Variants in MUC5B observed in about 807,000 individuals in gnomAD.
The protein encoded by MUC5B is mucin-5B.
Under a neutral mutation model 376.9 loss-of-function variants are expected in MUC5B, and 116 were observed. That is an observed-to-expected ratio of 0.31 (90% CI 0.26 to 0.36). MUC5B has a LOEUF of 0.36. Among genes scored for constraint, MUC5B ranks in the 10% least tolerant of loss-of-function variants. The pLI is 1.00. For missense variants in MUC5B, 7,165 were observed against 7,769.9 expected (o/e 0.92, Z 2.93); for synonymous variants, 3,517 against 3,390.9 (o/e 1.04, Z -1.29).
rs548466654 is a variant in MUC5B, at chr11:1,233,969, C to T, written c.2377+121C>T. ...AACCCTGCCGGGCCAGGTCAGTCCT[C>T]ACCTGGGCTCTGCCACAGGCACCCA... is the stretch of plus-strand genomic sequence containing the variant. On this transcript the variant is annotated intron_variant, in intron 19 of 48. Transcript: ENST00000529681. 96 of 1,048,102 alleles carry T rather than the reference C, an allele frequency of 9.2e-5. No homozygotes were observed. The South Asian group carries it at 1.4e-3, about 15-fold the overall frequency. The allele number at this position is 1,048,102 out of a possible 1,614,324, so 64.9% of individuals were successfully genotyped here.
rs568517586 is a variant in MUC5B, at chr11:1,243,330, C to T, written c.6450C>T (p.Ser2150=). ...ITATGSTTNP[S]STPGTTPIPP... ...CCACCGGCTCCACCACCAACCCCTC[C>T]TCAACTCCTGGGACAACTCCCATCC... The change falls in exon 31 of 49, where the codon TCC becomes TCT. Residue 2150 remains serine (S), a synonymous_variant. Transcript: ENST00000529681. 1.3e-6 allele frequency: 2 copies of T among 1,557,796 alleles called. No individual in the cohort carries two copies. Among genetic ancestry groups the T allele is most frequent in the Non-Finnish European group, 1.7e-6 (2 of 1,150,796 alleles).
rs762413302 is a variant in MUC5B, at chr11:1,240,886, G to A, written c.4006G>A (p.Glu1336Lys). Residue 1336 changes from glutamate to lysine, a missense_variant, in exon 31 of 49, where the codon GAG becomes AAG. Coordinates refer to ENST00000529681, the MANE Select transcript of MUC5B (RefSeq NM_002458.3). ...ALPVSTVCVR[E>K]VCRWSSWYNG... is the part of the protein sequence containing the mutation. ...CCCGGTCTCCACCGTGTGTGTCCGCGAGGTCTGCCGCTGGTCCAGCTGGTA... is the reference window on the plus strand; with the variant it reads ...CCCGGTCTCCACCGTGTGTGTCCGCAAGGTCTGCCGCTGGTCCAGCTGGTA... 30 of 1,612,006 alleles carry A rather than the reference G, an allele frequency of 1.9e-5. No homozygotes were observed. Among genetic ancestry groups the A allele is most frequent in the Non-Finnish European group, 2.2e-5 (26 of 1,179,704 alleles).
At chr11:1,233,771 C>A in intron 18 of MUC5B, 22 bp from the exon 19 acceptor site, 2 of 1,595,550 alleles carry the variant, frequency 1.3e-6, no homozygotes, top group Non-Finnish European at 1.7e-6. Context: ...CAGATCCAGG[C>A]TGTGCCGTCT....
chr11:1,231,406 C>T lies in MUC5B; in HGVS notation c.1541-17C>T. 1 of 1,602,446 alleles carries T rather than the reference C, an allele frequency of 6.2e-7. No individual in the cohort carries two copies. Among genetic ancestry groups the T allele is most frequent in the Admixed American group, 1.7e-5 (1 of 59,522 alleles). On this transcript the variant is annotated splice_polypyrimidine_tract_variant and intron_variant, in intron 13 of 48. Coordinates refer to ENST00000529681, the MANE Select transcript of MUC5B (RefSeq NM_002458.3). ...TCCCTGCACCCCTGACCGGCCTCTC[C>T]CCCACACTCCCGGCAGCCAACATCA...
chr11:1,240,231 A>T lies in MUC5B; in HGVS notation c.3826A>T (p.Asn1276Tyr). The T allele has an allele frequency of 1.2e-6, 2 of 1,613,386 alleles. No homozygotes were observed. Among genetic ancestry groups the T allele is most frequent in the Non-Finnish European group, 1.7e-6 (2 of 1,179,520 alleles). Residue 1276 changes from asparagine to tyrosine, a missense_variant, in exon 30 of 49, where the codon AAC becomes TAC. By Grantham distance (143) the Asn-to-Tyr change is moderately radical. Coordinates refer to ENST00000529681, the MANE Select transcript of MUC5B (RefSeq NM_002458.3). Reference sequence around the variant, plus strand: ...CTACAGCTACCAGGACGTCATCTACAACACCACCGATGGGCTTGGCGCCTG... The same window carrying T: ...CTACAGCTACCAGGACGTCATCTACTACACCACCGATGGGCTTGGCGCCTG... Reference protein sequence around the residue: ...RTYSYQDVIYNTTDGLGACLI... With the variant: ...RTYSYQDVIYYTTDGLGACLI...
In MUC5B at chr11:1,231,988, GC is replaced by G; in HGVS notation, c.1679-3del. On this transcript the variant is annotated splice_polypyrimidine_tract_variant and splice_region_variant and intron_variant, in intron 14 of 48. Transcript: ENST00000529681. ...TGGCCGCTGACATCCCCCAACCCTG[GC>G]CCCCAGGCCTGTGTGGGAACTTCAA... The G allele has an allele frequency of 6.2e-7, 1 of 1,612,522 alleles. No homozygotes were observed. The highest frequency in any genetic ancestry group is 8.5e-7 in the Non-Finnish European group (1 of 1,179,738).
At chr11:1,252,656 A>G (rs1862736476) in intron 32 of MUC5B, 132 bp downstream of exon 32, 23 of 1,367,934 alleles carry the variant, frequency 1.7e-5, no homozygotes, top group Admixed American at 2.6e-5. Context: ...TGGAGGAGGC[A>G]CACAGGGCCT....
rs56045301 is a variant in MUC5B, at chr11:1,234,105, T to C, written c.2378-100T>C. The C allele has an allele frequency of 0.033, 33,630 of 1,018,158 alleles. 742 individuals are homozygous for C. Among genetic ancestry groups the C allele is most frequent in the African/African-American group, 0.07 (4,417 of 62,726 alleles). 63.1% of individuals were successfully genotyped at this position (1,018,158 alleles called of 1,614,324 possible). On this transcript the variant is annotated intron_variant, in intron 19 of 48. Transcript: ENST00000529681. The surrounding 1 kb of genome is among the most constrained non-coding windows in gnomAD (Gnocchi z 6.3). ...GTCATGGAAGCTTTGGCTCGGGGGC[T>C]GTTAACTTGATCAGCAGGACAGGCT...
At position 1,227,260 on chromosome 11, in the gene MUC5B, G is replaced by A. The variant is rs781476831; in HGVS notation, c.577-48G>A. The A allele has an allele frequency of 2.5e-6, 4 of 1,578,392 alleles. No individual in the cohort carries two copies. In the African/African-American group the frequency reaches 4.0e-5, roughly 16 times the overall value. On this transcript the variant is annotated intron_variant, in intron 5 of 48. Coordinates refer to ENST00000529681, the MANE Select transcript of MUC5B (RefSeq NM_002458.3). ...ACGGGGCTTGGGGCATGTTGCCAGT[G>A]TGGGGATCAGAGGTCCTGAGGCTGG...
chr11:1,223,150 G>A lies in MUC5B; in HGVS notation c.27G>A (p.Thr9=), dbSNP rs942095019. MGAPSACR[T]LVLALAAMLV... ...TGGGTGCCCCGAGCGCGTGCCGGAC[G>A]CTGGTGTTGGCTCTGGCGGCCATGC... Residue 9 remains threonine, a synonymous_variant, in exon 1 of 49, where the codon ACG becomes ACA. Transcript: ENST00000529681. 6 of 708,120 alleles carry A rather than the reference G, an allele frequency of 8.5e-6. No homozygotes were observed. Among genetic ancestry groups the A allele is most frequent in the Admixed American group, 4.0e-5 (2 of 49,932 alleles). The allele number at this position is 708,120 out of a possible 1,614,324, so 43.9% of individuals were successfully genotyped here.
intron 4 of MUC5B, 33 bp from the exon 5 acceptor site, chr11:1,226,998 G>T: frequency 6.3e-7 from 1 of 1,589,292 alleles, no homozygotes; most frequent in East Asian, 2.3e-5. Context: ...CCAGGAGAGC[G>T]GGGCCCAGGG....
intron 18 of MUC5B, 35 bp from the exon 19 acceptor site, chr11:1,233,758 C>A (rs1862089675): frequency 6.3e-7 from 1 of 1,581,646 alleles, no homozygotes. Flanking sequence ...GGGGTGAGGG[C>A]CGCAGATCCA....
Position 1,249,801 on chromosome 11 carries a change from C to A in MUC5B, c.12921C>A (p.Thr4307=). 1 of 1,613,540 alleles carries A rather than the reference C, an allele frequency of 6.2e-7. No homozygotes were observed. The highest frequency in any genetic ancestry group is 8.5e-7 in the Non-Finnish European group (1 of 1,179,716). Residue 4307 remains threonine (T), a synonymous_variant, in exon 31 of 49, where the codon ACC becomes ACA. Coordinates refer to ENST00000529681, the MANE Select transcript of MUC5B (RefSeq NM_002458.3). ...TSSSSPRTAT[T]LPVLTSTATK... ...CCTCCAGTCCAAGGACTGCAACCAC[C>A]CTTCCAGTGCTGACAAGCACAGCCA...
At chr11:1,230,462 C>CA in intron 11 of MUC5B, 28 bp from the exon 12 acceptor site, 1 of 1,557,292 alleles carries the variant, frequency 6.4e-7, no homozygotes, top group Non-Finnish European at 8.7e-7. Flanking sequence ...GAGCCAGGCC[C>CA]AATGCACGCG....
intron 24 of MUC5B, 72 bp from the exon 25 acceptor site, chr11:1,236,853 G>A: frequency 7.2e-7 from 1 of 1,395,568 alleles, no homozygotes; most frequent in South Asian, 1.7e-5. Context: ...AGCCCAGGGT[G>A]GGCTCTGTGC....
Position 1,241,454 on chromosome 11 carries a change from G to A in MUC5B, c.4574G>A (p.Gly1525Glu), listed in dbSNP as rs780787249. ...EDYPKSEQLGGDVESYDKIRA... is the reference protein window; with the variant it reads ...EDYPKSEQLGEDVESYDKIRA... ...TACCCCAAGTCTGAACAACTTGGAG[G>A]GGACGTTGAGTCCTACGATAAGATC... The change falls in exon 31 of 49, where the codon GGG becomes GAG. Residue 1525 changes from glycine (G) to glutamate (E), a missense_variant. Around this residue, in one of 31 missense-constraint regions of MUC5B, gnomAD observed 517 missense variants for 545.3 expected, o/e 0.95. Transcript: ENST00000529681. 2 of 1,613,636 alleles carry A rather than the reference G, an allele frequency of 1.2e-6. No individual in the cohort carries two copies. Among genetic ancestry groups the A allele is most frequent in the Non-Finnish European group, 1.7e-6 (2 of 1,179,674 alleles).
Position 1,227,076 on chromosome 11 carries a change from C to A in MUC5B, c.507C>A (p.Ser169Arg). The change falls in exon 5 of 49, where the codon AGC becomes AGA. Residue 169 changes from serine (S) to arginine (R), a missense_variant. This residue lies in a region of MUC5B where 640 missense variants were observed against 733.0 expected (regional missense o/e 0.87). Transcript: ENST00000529681. ...GCACTGGCCTCCTGGTGGAGCAGAG[C>A]GGGGACTACATCAAGGTCAGCATCC... ...YSRTGLLVEQSGDYIKVSIRL... is the reference protein window; with the variant it reads ...YSRTGLLVEQRGDYIKVSIRL... 1 of 1,612,482 alleles carries A rather than the reference C, an allele frequency of 6.2e-7. No individual in the cohort carries two copies. The highest frequency in any genetic ancestry group is 8.5e-7 in the Non-Finnish European group (1 of 1,179,734).
At chr11:1,229,832 G>C in intron 10 of MUC5B, 25 bp downstream of exon 10, 1 of 1,568,878 alleles carries the variant, frequency 6.4e-7, no homozygotes, top group Non-Finnish European at 8.6e-7. Flanking sequence ...ACCAGCCTCC[G>C]CCTGGGGTGG....
Position 1,240,249 on chromosome 11 carries a change from G to A in MUC5B, c.3844G>A (p.Gly1282Ser). Reference protein sequence around the residue: ...DVIYNTTDGLGACLIAICGSN... With the variant: ...DVIYNTTDGLSACLIAICGSN... Reference sequence around the variant, plus strand: ...CATCTACAACACCACCGATGGGCTTGGCGCCTGCTTGATCGCCATCTGCGG... The same window carrying A: ...CATCTACAACACCACCGATGGGCTTAGCGCCTGCTTGATCGCCATCTGCGG... The change falls in exon 30 of 49, where the codon GGC becomes AGC. Residue 1282 changes from glycine (G) to serine (S), a missense_variant. Physicochemically the swap from Gly to Ser is moderately conservative, Grantham distance 56 (BLOSUM62 0). Around this residue, in one of 31 missense-constraint regions of MUC5B, gnomAD observed 517 missense variants for 545.3 expected, o/e 0.95. Transcript: ENST00000529681. 6.2e-7 allele frequency: 1 copy of A among 1,613,654 alleles called. No individual in the cohort carries two copies. The highest frequency in any genetic ancestry group is 8.5e-7 in the Non-Finnish European group (1 of 1,179,670).
Sources: allele counts gnomAD v4.1 joint callset, GRCh38; gene constraint gnomAD v4.1.1; regional missense constraint gnomAD v4.1.1; non-coding constraint Gnocchi (gnomAD v3.1); transcripts MANE v1.5; gene names NCBI Gene and HGNC (gene_info 2026-07-23, HGNC 2026-07-21).